Variants in ANKRD24 observed in about 807,000 individuals in gnomAD.
ANKRD24 encodes ankyrin repeat domain-containing protein 24.
ANKRD24 carries 109 observed loss-of-function variants against 127.8 expected under a neutral mutation model. The ratio of observed to expected loss-of-function variants is 0.85; its 90% CI spans 0.73 to 1.00. The LOEUF (loss-of-function observed/expected upper bound fraction) is 1.00. Ranked by LOEUF, ANKRD24 falls within the 50% of genes least tolerant of loss-of-function variation. The pLI, the probability that ANKRD24 is intolerant of heterozygous loss-of-function variation, is 0.00. For missense variants in ANKRD24, 1,648 were observed against 1,570.2 expected, an observed-to-expected ratio of 1.05 and a Z score of -0.84; for synonymous variants, 743 against 671.1, an observed-to-expected ratio of 1.11 and a Z score of -1.66.
At chr19:4,190,515 A>G (rs1968326109) in intron 2 of ANKRD24, among the ~76,000 whole-genome samples, 1 of 151,966 alleles carries the variant, frequency 6.6e-6, no homozygotes, top group Non-Finnish European at 1.5e-5. Flanking sequence ...ACCTGAGGTC[A>G]GGAGTTCGAG....
intron 7 of ANKRD24, among the ~76,000 whole-genome samples, chr19:4,206,055 T>G (rs2145317163): frequency 6.6e-6 from 1 of 151,804 alleles, no homozygotes; most frequent in East Asian, 1.9e-4. Context: ...GGCAGGAGAA[T>G]GGCATGAACC....
Position 4,212,587 on chromosome 19 carries a change from C to A in ANKRD24, c.1099-13C>A, listed in dbSNP as rs1050448193. 12 of 1,550,312 alleles carry A rather than the reference C, an allele frequency of 7.7e-6. No individual in the cohort carries two copies. The highest frequency in any genetic ancestry group is 1.0e-5 in the Non-Finnish European group (12 of 1,146,714). On this transcript the variant is annotated splice_polypyrimidine_tract_variant and intron_variant, in intron 14 of 21. Transcript: ENST00000318934. ...CCTCCCAGAGGCAGCTGAGCCTCCA[C>A]TGCTGCTCCCAGGTGCAAGAGCTAC...
At chr19:4,202,828 A>G (rs754730716) in intron 6 of ANKRD24, 41 bp from the exon 7 acceptor site, 2 of 1,558,274 alleles carry the variant, frequency 1.3e-6, no homozygotes, top group Non-Finnish European at 1.7e-6. Flanking sequence ...TCAGGCAGCA[A>G]GAAGGATGGC....
chr19:4,212,680 C>T lies in ANKRD24; in HGVS notation c.1179C>T (p.Ser393=). The change falls in exon 15 of 22, where the codon AGC becomes AGT. Residue 393 remains serine (S), a synonymous_variant. Transcript: ENST00000318934. ...SLGREVESLQ[S]RLSLLENERE... Reference sequence around the variant, plus strand: ...GACGGGAGGTGGAGAGTTTGCAGAGCCGGCTGTCCCTGCTGGAGGTAGGAG... The same window carrying T: ...GACGGGAGGTGGAGAGTTTGCAGAGTCGGCTGTCCCTGCTGGAGGTAGGAG... 7 of 1,550,970 alleles carry T rather than the reference C, an allele frequency of 4.5e-6. No homozygotes were observed. Among genetic ancestry groups the T allele is most frequent in the Non-Finnish European group, 6.1e-6 (7 of 1,146,986 alleles).
rs1241139333 is a variant in ANKRD24, at chr19:4,217,800, C to T, written c.2640C>T (p.Ala880=). ...AAAELGRARD[A]AEARVAELPA... ...CGGAACTGGGCCGGGCACGGGACGCCGCTGAGGCCCGAGTGGCTGAGCTGC... is the reference window on the plus strand; with the variant it reads ...CGGAACTGGGCCGGGCACGGGACGCTGCTGAGGCCCGAGTGGCTGAGCTGC... The change falls in exon 18 of 22, where the codon GCC becomes GCT. Residue 880 remains alanine, a synonymous_variant. Transcript: ENST00000318934. 1.5e-6 allele frequency: 2 copies of T among 1,353,712 alleles called. No homozygotes were observed. Among genetic ancestry groups the T allele is most frequent in the Non-Finnish European group, 1.9e-6 (2 of 1,057,952 alleles). The allele number at this position is 1,353,712 out of a possible 1,614,324, so 83.9% of individuals were successfully genotyped here.
In ANKRD24 at chr19:4,213,925, A is replaced by G. The variant is rs74494398; in HGVS notation, c.1197+1227A>G. 3.6e-4 allele frequency among the ~76,000 whole-genome samples: 55 copies of G among 152,144 alleles called. No individual in the cohort carries two copies. The East Asian group carries it at 0.01, about 29-fold the overall frequency. ...GCTGGGATTACAGGTATGAGCCACC[A>G]CACTCAGACCCAGAAAGGAGTTTTC... On this transcript the variant is annotated intron_variant, in intron 15 of 21. Transcript: ENST00000318934.
At chr19:4,193,874 A>AGGAAGGAAGGAG (rs1968545680) in intron 2 of ANKRD24, among the ~76,000 whole-genome samples, 1 of 146,110 alleles carries the variant, frequency 6.8e-6, no homozygotes, top group African/African-American at 2.6e-5. Context: ...GAAGGAAGGA[A>AGGAAGGAAGGAG]GGAAGGAAGG....
rs777521024 is a variant in ANKRD24 at position 4,202,060 on chromosome 19, G to A, written c.378G>A (p.Gly126=). 3 of 1,613,814 alleles carry A rather than the reference G, an allele frequency of 1.9e-6. No individual in the cohort carries two copies. Among genetic ancestry groups the A allele is most frequent in the Middle Eastern group, 1.7e-4 (1 of 6,058 alleles). The part of the protein sequence containing the change: ...YNALHLAAKY[G]HPQCLKQLLQ... ...CCCTCCACCTGGCCGCCAAATACGG[G>A]CACCCACAGTGCTTGAAGCAACTAC... The change falls in exon 6 of 22, where the codon GGG becomes GGA. Residue 126 remains glycine, a synonymous_variant. Coordinates refer to ENST00000318934, the MANE Select transcript of ANKRD24 (RefSeq NM_001393985.1).
rs577185620 is a variant in ANKRD24, at chr19:4,195,645, C to G, written c.37-4038C>G. ...GGGCGCAGTGGCTCACGCCTGTAATCCCAACACTTTGAGAGGCCAAGGCAG... is the reference window on the plus strand; with the variant it reads ...GGGCGCAGTGGCTCACGCCTGTAATGCCAACACTTTGAGAGGCCAAGGCAG... On this transcript the variant is annotated intron_variant, in intron 2 of 21. Transcript: ENST00000318934. The surrounding 1 kb of genome is among the most constrained non-coding windows in gnomAD (Gnocchi z 4.2). Among the ~76,000 whole-genome samples the G allele has an allele frequency of 6.6e-6, 1 of 152,292 alleles. No homozygotes were observed. Among genetic ancestry groups the G allele is most frequent in the African/African-American group, 2.4e-5 (1 of 41,568 alleles).
In ANKRD24 at chr19:4,212,486, C is replaced by T. The variant is rs1969797192; in HGVS notation, c.1071C>T (p.Ala357=). 6.4e-7 allele frequency: 1 copy of T among 1,573,980 alleles called. No individual in the cohort carries two copies. The highest frequency in any genetic ancestry group is 1.2e-5 in the South Asian group (1 of 85,292). The change falls in exon 14 of 22, where the codon GCC becomes GCT. Residue 357 remains alanine, a synonymous_variant. Coordinates refer to ENST00000318934, the MANE Select transcript of ANKRD24 (RefSeq NM_001393985.1). ...KERRQQESPE[A]SSLHILERQV... ...GTTTCTCCCGTCAGTCCCCGGAGGC[C>T]AGCTCCCTGCACATCCTGGAGAGAC...
intron 15 of ANKRD24, 79 bp downstream of exon 15, chr19:4,212,777 C>T (rs1287950766): frequency 7.7e-7 from 1 of 1,304,526 alleles, no homozygotes; most frequent in East Asian, 2.5e-5. Flanking sequence ...AAGACAGTCA[C>T]ACCAGTGCAT....
At chr19:4,196,902 T>C (rs1044930465) in intron 2 of ANKRD24, among the ~76,000 whole-genome samples, 1 of 152,138 alleles carries the variant, frequency 6.6e-6, no homozygotes. Context: ...GCCCCTCCTC[T>C]ACCGGAGGAG....
rs947223161 is a variant in ANKRD24 at position 4,189,772 on chromosome 19, G to A, written c.36+3311G>A. Among the ~76,000 whole-genome samples, 6 of 152,254 alleles carry A rather than the reference G, an allele frequency of 3.9e-5. 1 individual carries two copies. In the South Asian group the frequency reaches 1.2e-3, roughly 32 times the overall value. On this transcript the variant is annotated intron_variant, in intron 2 of 21. Coordinates refer to ENST00000318934, the MANE Select transcript of ANKRD24 (RefSeq NM_001393985.1). ...CAGCTCATTTAATCCTCACCACCGT[G>A]TTATGAGGCAGGAGCTTTTATTATC...
chr19:4,219,552 C>G (rs564697893), intron 18 of ANKRD24, 39 bp from the exon 19 acceptor site: 3 of 1,568,344 alleles, frequency 1.9e-6, no homozygotes, highest in African/African-American at 2.7e-5. Context: ...TCATTGGAGT[C>G]TTAGTGTCCT....
At chr19:4,191,172 C>G (rs1197413828) in intron 2 of ANKRD24, among the ~76,000 whole-genome samples, 1 of 152,200 alleles carries the variant, frequency 6.6e-6, no homozygotes, top group Non-Finnish European at 1.5e-5. Flanking sequence ...GCTGCAGGGC[C>G]TCCATCCTCC....
At chr19:4,186,344 C>T (rs1387331420) in intron 1 of ANKRD24, 46 bp from the exon 2 acceptor site, 3 of 1,549,834 alleles carry the variant, frequency 1.9e-6, no homozygotes, top group Admixed American at 2.0e-5. Flanking sequence ...CTGCCGCCCA[C>T]CAGGACTGGT....
Position 4,198,293 on chromosome 19 carries a change from C to A in ANKRD24, c.37-1390C>A. On this transcript the variant is annotated intron_variant, in intron 2 of 21. Coordinates refer to ENST00000318934, the MANE Select transcript of ANKRD24 (RefSeq NM_001393985.1). The surrounding 1 kb of genome is among the most constrained non-coding windows in gnomAD (Gnocchi z 6.1). Reference sequence around the variant, plus strand: ...CTACCTGGGTCTTCCCATTCCATCCCGTGGGGGAGGGGGCTGGCGAGGAGG... The same window carrying A: ...CTACCTGGGTCTTCCCATTCCATCCAGTGGGGGAGGGGGCTGGCGAGGAGG... 1 of 163,118 alleles carries A rather than the reference C, an allele frequency of 6.1e-6. No homozygotes were observed. The highest frequency in any genetic ancestry group is 1.2e-5 in the Non-Finnish European group (1 of 83,050). The allele number at this position is 163,118 out of a possible 1,614,324, so 10.1% of individuals were successfully genotyped here. A position where few individuals can be genotyped will look rare whatever the true frequency, so the allele number is the denominator to read the frequency against.
chr19:4,210,713 T>A (rs535248616), intron 13 of ANKRD24, among the ~76,000 whole-genome samples: 47 of 106,010 alleles, frequency 4.4e-4, no homozygotes, highest in African/African-American at 1.3e-3. Context: ...CCAAAGACAC[T>A]TCCCATGCCC....
chr19:4,220,158 A>C (rs1970365255), intron 19 of ANKRD24, among the ~76,000 whole-genome samples: 1 of 152,028 alleles, frequency 6.6e-6, no homozygotes, highest in South Asian at 2.1e-4. Flanking sequence ...TTTTTAGTAG[A>C]GATGGGGTTT....
Sources: allele counts gnomAD v4.1 joint callset (sites outside exome capture counted in the v4.1 genomes callset), GRCh38; gene constraint gnomAD v4.1.1; non-coding constraint Gnocchi (gnomAD v3.1); transcripts MANE v1.5; gene names NCBI Gene and HGNC (gene_info 2026-07-23, HGNC 2026-07-21).